The following PRSS36 variants were observed in gnomAD, a reference collection of about 807,000 sequenced individuals.
PRSS36 encodes polyserase-2.
Under a neutral mutation model 94.3 loss-of-function variants are expected in PRSS36, and 90 were observed. The ratio of observed to expected loss-of-function variants is 0.95; its 90% CI spans 0.80 to 1.14. The LOEUF (loss-of-function observed/expected upper bound fraction) is 1.14. Ranked by LOEUF, PRSS36 falls within the 50% of genes most tolerant of loss-of-function variation. PRSS36 has a pLI of 0.00. For synonymous variants in PRSS36, 500 were observed against 489.6 expected, an observed-to-expected ratio of 1.02 and a Z score of -0.28; for missense variants, 1,158 against 1,135.0, an observed-to-expected ratio of 1.02 and a Z score of -0.29.
intron 5 of PRSS36, 116 bp downstream of exon 5, chr16:31,148,279 A>C: frequency 8.5e-7 from 1 of 1,169,958 alleles, no homozygotes; most frequent in Non-Finnish European, 1.2e-6. Flanking sequence ...CCTACCCTCC[A>C]ACGCTCCCCG....
Position 31,145,816 on chromosome 16 carries a change from G to A in PRSS36, c.693C>T (p.Tyr231=). ...QILPGMLCAG[Y]PEGRRDTCQG... ...GGCAGGTGTCCCTGCGGCCCTCTGG[G>A]TAGCCAGCACACAGCATCCCTGGCA... Residue 231 remains tyrosine (Y), a synonymous_variant, in exon 6 of 15, where the codon TAC becomes TAT. Transcript: ENST00000268281. 6.2e-7 allele frequency: 1 copy of A among 1,613,868 alleles called. No homozygotes were observed. The highest frequency in any genetic ancestry group is 8.5e-7 in the Non-Finnish European group (1 of 1,179,970).
intron 5 of PRSS36, among the ~76,000 whole-genome samples, chr16:31,146,963 C>A (rs1337128073): frequency 1.3e-5 from 2 of 151,910 alleles, no homozygotes; most frequent in Non-Finnish European, 2.9e-5. Flanking sequence ...GCCTGGGCAA[C>A]AAGAGTGAAA....
chr16:31,145,771 G>A lies in PRSS36; in HGVS notation c.720+18C>T. The A allele has an allele frequency of 6.2e-7, 1 of 1,608,348 alleles. No individual in the cohort carries two copies. The highest frequency in any genetic ancestry group is 8.5e-7 in the Non-Finnish European group (1 of 1,177,798). On this transcript the variant is annotated intron_variant, in intron 6 of 14. Coordinates refer to ENST00000268281, the MANE Select transcript of PRSS36 (RefSeq NM_173502.5). The stretch of plus-strand genomic sequence containing the variant: ...AGGACTCTGGCCCTGCCAGGCAGGT[G>A]CCGGGGCCTTCCCTCACCTGGCAGG...
At chr16:31,148,247 T>C (rs570513292) in intron 5 of PRSS36, 148 bp downstream of exon 5, 1 of 834,820 alleles carries the variant, frequency 1.2e-6, no homozygotes, top group African/African-American at 1.8e-5. Flanking sequence ...CGGTGTGGGA[T>C]TCATCCACCG....
intron 13 of PRSS36, 27 bp downstream of exon 13, chr16:31,140,465 C>A: frequency 6.3e-7 from 1 of 1,599,036 alleles, no homozygotes; most frequent in Non-Finnish European, 8.5e-7. Context: ...CCAGCTACTC[C>A]TCGTTCCCGT....
chr16:31,149,644 T>C (rs371727418), intron 2 of PRSS36, 52 bp downstream of exon 2: 16 of 1,612,748 alleles, frequency 9.9e-6, no homozygotes, highest in Non-Finnish European at 1.3e-5. Context: ...ATGCCAGTCC[T>C]CTGGTCTTTT....
At position 31,149,119 on chromosome 16, in the gene PRSS36, G is replaced by A; in HGVS notation, c.226C>T (p.Leu76Phe). Residue 76 changes from leucine to phenylalanine, a missense_variant, in exon 4 of 15, where the codon CTC becomes TTC. By Grantham distance (22) the Leu-to-Phe change is conservative (BLOSUM62 0). Coordinates refer to ENST00000268281, the MANE Select transcript of PRSS36 (RefSeq NM_173502.5). Reference protein sequence around the residue: ...HGGGHICGGSLIAPSWVLSAA... With the variant: ...HGGGHICGGSFIAPSWVLSAA... ...GAGAGGACCCAGGAGGGGGCGATGA[G>A]GGAGCCCCCGCAGATGTGGCCACCT... The A allele has an allele frequency of 6.3e-7, 1 of 1,587,306 alleles. No individual in the cohort carries two copies. The highest frequency in any genetic ancestry group is 1.1e-5 in the South Asian group (1 of 86,964).
At chr16:31,145,412 ATAAAT>A (rs974695638) in intron 6 of PRSS36, among the ~76,000 whole-genome samples, 3 of 150,860 alleles carry the variant, frequency 2.0e-5, no homozygotes, top group Non-Finnish European at 4.4e-5. Context: ...GTCTCAAAAA[ATAAAT>A]TAAATAAATA....
intron 6 of PRSS36, among the ~76,000 whole-genome samples, chr16:31,145,415 A>G (rs921224248): frequency 6.6e-6 from 1 of 150,954 alleles, no homozygotes; most frequent in African/African-American, 2.4e-5. Context: ...TCAAAAAATA[A>G]ATTAAATAAA....
intron 5 of PRSS36, 125 bp from the exon 6 acceptor site, chr16:31,146,080 C>T (rs2057796440): frequency 5.5e-6 from 4 of 726,146 alleles, no homozygotes; most frequent in Non-Finnish European, 8.9e-6. Context: ...CCTCTCAGCC[C>T]ACCACATTCA....
In PRSS36 at chr16:31,145,959, G is replaced by A; in HGVS notation, c.554-4C>T. On this transcript the variant is annotated splice_polypyrimidine_tract_variant and splice_region_variant and intron_variant, in intron 5 of 14. Coordinates refer to ENST00000268281, the MANE Select transcript of PRSS36 (RefSeq NM_173502.5). ...ACCCAGGGGAGAGGCAGAGGATCTG[G>A]AGGCAGAACCAGAGAGCAGGTGCTG... 6.2e-7 allele frequency: 1 copy of A among 1,609,710 alleles called. No homozygotes were observed. The highest frequency in any genetic ancestry group is 1.3e-5 in the African/African-American group (1 of 74,818).
chr16:31,146,648 G>C (rs889581459), intron 5 of PRSS36, among the ~76,000 whole-genome samples: 5 of 152,112 alleles, frequency 3.3e-5, no homozygotes, highest in Admixed American at 2.0e-4. Flanking sequence ...AGTAGGGGGT[G>C]GGGGGAAGTA....
At chr16:31,141,222 G>A (rs1235681111) in intron 12 of PRSS36, among the ~76,000 whole-genome samples, 1 of 152,096 alleles carries the variant, frequency 6.6e-6, no homozygotes, top group Non-Finnish European at 1.5e-5. Flanking sequence ...GCGCCCAGCT[G>A]TAAGATGCTT....
chr16:31,148,006 C>T (rs777287794), intron 5 of PRSS36, among the ~76,000 whole-genome samples: 4 of 152,184 alleles, frequency 2.6e-5, no homozygotes, highest in Non-Finnish European at 4.4e-5. Context: ...ATTTAATCCA[C>T]TCAACCACCC....
rs1443656485 is a variant in PRSS36 at position 31,142,562 on chromosome 16, C to T, written c.1440G>A (p.Gly480=). The T allele has an allele frequency of 6.6e-7, 1 of 1,526,304 alleles. No homozygotes were observed. Among genetic ancestry groups the T allele is most frequent in the Admixed American group, 2.0e-5 (1 of 50,198 alleles). The allele number at this position is 1,526,304 out of a possible 1,614,324, so 94.5% of individuals were successfully genotyped here. A position where few individuals can be genotyped will look rare whatever the true frequency, so the allele number is the denominator to read the frequency against. The change falls in exon 10 of 15, where the codon GGG becomes GGA. Residue 480 remains glycine (G), a synonymous_variant. Transcript: ENST00000268281. ...GGTCTCCGGGCAGCGGTACTGCCGCCCCCTGGCGGCCGTACAGGCAGTGGC... is the reference window on the plus strand; with the variant it reads ...GGTCTCCGGGCAGCGGTACTGCCGCTCCCTGGCGGCCGTACAGGCAGTGGC... ...WWCHCLYGRQ[G]AAVPLPGDPP... is the part of the protein sequence containing the mutation.
In PRSS36 at chr16:31,141,716, T is replaced by G. The variant is rs756946953; in HGVS notation, c.1759+7A>C. 3 of 1,609,064 alleles carry G rather than the reference T, an allele frequency of 1.9e-6. No individual in the cohort carries two copies. The highest frequency in any genetic ancestry group is 4.5e-5 in the East Asian group (2 of 44,714). On this transcript the variant is annotated splice_region_variant and intron_variant, in intron 11 of 14. Coordinates refer to ENST00000268281, the MANE Select transcript of PRSS36 (RefSeq NM_173502.5). ...GAGCCCCTAGGGCCCAAAAGCGTCC[T>G]GCTCACCACCATGCTCTGTGTGTGG...
rs752352341 is a variant in PRSS36 at position 31,141,468 on chromosome 16, C to A, written c.1901+1G>T. 5 of 1,610,266 alleles carry A rather than the reference C, an allele frequency of 3.1e-6. No homozygotes were observed. In the South Asian group the frequency reaches 5.5e-5, roughly 18 times the overall value. On this transcript the variant is annotated splice_donor_variant, in intron 12 of 14. Coordinates refer to ENST00000268281, the MANE Select transcript of PRSS36 (RefSeq NM_173502.5). LOFTEE classifies it high-confidence loss of function. The stretch of plus-strand genomic sequence containing the variant: ...TCGCCTAGGAGACGAGTGAGACCCA[C>A]CTGAGGACACAGTGAGTGGCTGCCA...
At chr16:31,149,018 G>A in intron 4 of PRSS36, 55 bp downstream of exon 4, 1 of 1,497,828 alleles carries the variant, frequency 6.7e-7, no homozygotes. Flanking sequence ...GACCAACTGC[G>A]GGGGCGGGGG....
rs1418015214 is a variant in PRSS36, at chr16:31,148,695, TAGG to T, written c.273-23_273-21del. The T allele has an allele frequency of 6.2e-7, 1 of 1,610,708 alleles. No homozygotes were observed. Among genetic ancestry groups the T allele is most frequent in the East Asian group, 2.2e-5 (1 of 44,826 alleles). ...CCATTCCTGCGCTCGACCGGGGCAG[TAGG>T]AGGTTAGGTTGACCCTATGGAGGGG... On this transcript the variant is annotated intron_variant, in intron 4 of 14. Coordinates refer to ENST00000268281, the MANE Select transcript of PRSS36 (RefSeq NM_173502.5).
Sources: gnomAD v4.1 joint callset for allele counts (sites outside exome capture counted in the v4.1 genomes callset) on GRCh38, gnomAD v4.1.1 for gene constraint, MANE v1.5 for transcripts, NCBI Gene and HGNC (gene_info 2026-07-23, HGNC 2026-07-21) for gene names.